GOLM2: variants seen among roughly 807,000 people sequenced by gnomAD.
GOLM2 encodes golgi membrane protein 2, also known as protein GOLM2.
GOLM2 carries 26 observed loss-of-function variants against 55.9 expected under a neutral mutation model. The ratio of observed to expected loss-of-function variants is 0.47; its 90% CI spans 0.34 to 0.65. The LOEUF is 0.65. Among genes scored for constraint, GOLM2 ranks in the 30% least tolerant of loss-of-function variants. GOLM2 has a pLI of 0.01. For synonymous variants in GOLM2, 165 were observed against 194.6 expected, an observed-to-expected ratio of 0.85 and a Z score of 1.27; for missense variants, 486 against 531.8, an observed-to-expected ratio of 0.91 and a Z score of 0.85.
intron 6 of GOLM2, among the ~76,000 whole-genome samples, chr15:44,362,579 G>A (rs984389399): frequency 5.3e-4 from 81 of 152,224 alleles, no homozygotes; most frequent in Non-Finnish European, 1.1e-3. Context: ...CATGCTCATG[G>A]GTAGGAAGAA....
chr15:44,289,338 G>A lies in GOLM2; in HGVS notation c.309G>A (p.Lys103=). 1 of 1,612,618 alleles carries A rather than the reference G, an allele frequency of 6.2e-7. No individual in the cohort carries two copies. The highest frequency in any genetic ancestry group is 8.5e-7 in the Non-Finnish European group (1 of 1,179,460). Reference sequence around the variant, plus strand: ...TGCAGGCCAGAGAGGGCCTCGGGAAGAGATGCGAGGATGACAAGGTAAGGA... The same window carrying A: ...TGCAGGCCAGAGAGGGCCTCGGGAAAAGATGCGAGGATGACAAGGTAAGGA... The part of the protein sequence containing the change: ...SRLQAREGLG[K]RCEDDKVKLQ... Residue 103 remains lysine (K), a synonymous_variant, in exon 1 of 10, where the codon AAG becomes AAA. Coordinates refer to ENST00000299957, the MANE Select transcript of GOLM2 (RefSeq NM_138423.4). This position sits in a 1 kb window ranked among gnomAD's most constrained non-coding sequence, Gnocchi z 4.8.
chr15:44,363,571 T>C (rs1340956737), intron 6 of GOLM2, among the ~76,000 whole-genome samples: 9 of 152,106 alleles, frequency 5.9e-5, no homozygotes, highest in South Asian at 2.1e-4. Context: ...TGTGGAGAAA[T>C]AGGAACACTT....
chr15:44,310,118 A>G (rs1232906355), intron 1 of GOLM2, among the ~76,000 whole-genome samples: 1 of 152,052 alleles, frequency 6.6e-6, no homozygotes, highest in Admixed American at 6.6e-5. Flanking sequence ...TCCTGACCTC[A>G]AGCGATCTGC....
rs117044568 is a variant in GOLM2, at chr15:44,342,057, T to C, written c.802+3740T>C. On this transcript the variant is annotated intron_variant, in intron 6 of 9. Coordinates refer to ENST00000299957, the MANE Select transcript of GOLM2 (RefSeq NM_138423.4). ...TTTTGATGAGATGCCAACAAATTCA[T>C]ATCTGATTTTTACAATGTGAACTTG... 7.8e-3 allele frequency among the ~76,000 whole-genome samples: 1,193 copies of C among 152,200 alleles called. 8 individuals are homozygous for C. The highest frequency in any genetic ancestry group is 0.011 in the Non-Finnish European group (723 of 67,994).
chr15:44,360,269 AGAGTCAAGACC>A (rs1304268082), intron 6 of GOLM2, among the ~76,000 whole-genome samples: 41 of 152,362 alleles, frequency 2.7e-4, no homozygotes, highest in African/African-American at 8.9e-4. Flanking sequence ...AATTGGATAA[AGAGTCAAGACC>A]CATCAGTGTG....
chr15:44,389,803 C>G (rs912987346), intron 8 of GOLM2, among the ~76,000 whole-genome samples: 1 of 152,138 alleles, frequency 6.6e-6, no homozygotes, highest in Non-Finnish European at 1.5e-5. Flanking sequence ...CTACCTCAGC[C>G]TCCTGAATAG....
At chr15:44,313,269 T>C (rs904096443) in intron 1 of GOLM2, among the ~76,000 whole-genome samples, 3 of 152,052 alleles carry the variant, frequency 2.0e-5, no homozygotes, top group Non-Finnish European at 4.4e-5. Flanking sequence ...AAAAAATATT[T>C]GTCTTACTTC....
At chr15:44,306,064 G>A (rs900456714) in intron 1 of GOLM2, among the ~76,000 whole-genome samples, 1 of 152,214 alleles carries the variant, frequency 6.6e-6, no homozygotes, top group African/African-American at 2.4e-5. Context: ...GTCACCAGCT[G>A]TCCCTAACAG....
At chr15:44,411,263 C>G (rs1755429287) in intron 9 of GOLM2, among the ~76,000 whole-genome samples, 1 of 151,934 alleles carries the variant, frequency 6.6e-6, no homozygotes, top group Non-Finnish European at 1.5e-5. Flanking sequence ...CTCAAGTGAT[C>G]TGCCTGCCTC....
chr15:44,391,654 A>G (rs2079491070), intron 8 of GOLM2, among the ~76,000 whole-genome samples: 1 of 152,184 alleles, frequency 6.6e-6, no homozygotes, highest in Non-Finnish European at 1.5e-5. Flanking sequence ...ACACATGATA[A>G]GAGGTATTAT....
chr15:44,368,483 T>C (rs978721814), intron 6 of GOLM2, among the ~76,000 whole-genome samples: 4 of 151,920 alleles, frequency 2.6e-5, no homozygotes, highest in African/African-American at 7.2e-5. Context: ...TGTAATACCT[T>C]TTCTCCTTCA....
intron 4 of GOLM2, among the ~76,000 whole-genome samples, chr15:44,334,107 A>T (rs1246220482): frequency 4.6e-5 from 7 of 152,098 alleles, no homozygotes; most frequent in African/African-American, 1.7e-4. Flanking sequence ...ATACTAGGCT[A>T]TTTTTATGTT....
intron 9 of GOLM2, among the ~76,000 whole-genome samples, chr15:44,407,690 C>G (rs1028699124): frequency 1.3e-5 from 2 of 151,972 alleles, no homozygotes; most frequent in African/African-American, 4.8e-5. Flanking sequence ...CTCAAGCTAT[C>G]CACTTCCCTC....
chr15:44,362,299 T>C (rs1309370173), intron 6 of GOLM2, among the ~76,000 whole-genome samples: 29 of 152,194 alleles, frequency 1.9e-4, no homozygotes, highest in Middle Eastern at 3.4e-3. Context: ...AAAACCCCAT[T>C]GTCTCAGCCC....
chr15:44,345,032 C>T (rs949335021), intron 6 of GOLM2, among the ~76,000 whole-genome samples: 2 of 151,184 alleles, frequency 1.3e-5, no homozygotes, highest in East Asian at 2.0e-4. Context: ...AGGATGGTCT[C>T]GATCTCCTGA....
intron 1 of GOLM2, among the ~76,000 whole-genome samples, chr15:44,297,666 A>G (rs895465645): frequency 2.7e-5 from 4 of 150,086 alleles, no homozygotes; most frequent in African/African-American, 9.8e-5. Context: ...GGTTCACACC[A>G]TTCTCCTGCC....
intron 8 of GOLM2, among the ~76,000 whole-genome samples, chr15:44,383,334 T>C (rs990050555): frequency 2.0e-5 from 3 of 152,174 alleles, no homozygotes; most frequent in African/African-American, 7.2e-5. Flanking sequence ...CAGAACGAAA[T>C]TACTGGGTCA....
At chr15:44,301,669 G>T (rs2078798617) in intron 1 of GOLM2, among the ~76,000 whole-genome samples, 2 of 152,136 alleles carry the variant, frequency 1.3e-5, no homozygotes, top group African/African-American at 4.8e-5. Context: ...TGAGTGAGAG[G>T]TTTGAGATAA....
chr15:44,289,444 T>TA lies in GOLM2; in HGVS notation c.327+89dup. The TA allele has an allele frequency of 1.6e-6, 2 of 1,219,850 alleles. No individual in the cohort carries two copies. The highest frequency in any genetic ancestry group is 2.3e-6 in the Non-Finnish European group (2 of 882,536). 75.6% of individuals were successfully genotyped at this position (1,219,850 alleles called of 1,614,324 possible). A position where few individuals can be genotyped will look rare whatever the true frequency, so the allele number is the denominator to read the frequency against. ...GATGTTAATCCGCTAGCTGTTGTCT[T>TA]ATGCCTTCCAGTATTTCAGTCCTGA... On this transcript the variant is annotated intron_variant, in intron 1 of 9. Coordinates refer to ENST00000299957, the MANE Select transcript of GOLM2 (RefSeq NM_138423.4). The surrounding 1 kb of genome is among the most constrained non-coding windows in gnomAD (Gnocchi z 4.8).
Sources: allele counts gnomAD v4.1 joint callset (sites outside exome capture counted in the v4.1 genomes callset), GRCh38; gene constraint gnomAD v4.1.1; non-coding constraint Gnocchi (gnomAD v3.1); transcripts MANE v1.5; gene names NCBI Gene and HGNC (gene_info 2026-07-23, HGNC 2026-07-21).